The following CACNA1I variants were observed in gnomAD, a reference collection of about 807,000 sequenced individuals.
CACNA1I encodes the protein voltage-dependent T-type calcium channel subunit alpha-1I.
A neutral mutation model predicts 201.6 loss-of-function variants in CACNA1I; 74 were observed. The observed-to-expected ratio is 0.37, with a 90% CI of 0.30 to 0.45. The LOEUF is 0.45. CACNA1I is among the 20% of genes least tolerant of loss of function. The pLI is 1.00. For missense variants in CACNA1I, 2,346 were observed against 3,138.1 expected (o/e 0.75, Z 6.03); for synonymous variants, 1,431 against 1,345.2 (o/e 1.06, Z -1.40).
Position 39,570,848 on chromosome 22 carries a change from A to C in CACNA1I, c.96A>C (p.Pro32=). Residue 32 remains proline (P), a synonymous_variant, in exon 1 of 37, where the codon CCA becomes CCC. Transcript: ENST00000402142. ...AGCAGCCCGGACCCCGGAGCCCCCC[A>C]TCCTCCCCGCCAGGCCTGGAGGAGC... ...TTEQPGPRSP[P]SSPPGLEEPL... is the part of the protein sequence containing the mutation. 6.2e-7 allele frequency: 1 copy of C among 1,613,248 alleles called. No homozygotes were observed. The highest frequency in any genetic ancestry group is 8.5e-7 in the Non-Finnish European group (1 of 1,179,636).
chr22:39,686,063 C>A lies in CACNA1I; in HGVS notation c.6330C>A (p.Gly2110=), dbSNP rs1935859563. The part of the protein sequence containing the change: ...HDSMDPSDEE[G]RGGAGGGGAG... ...CCATGGACCCCTCGGACGAGGAGGG[C>A]CGCGGTGGCGCGGGCGGCGGGGGCG... is the stretch of plus-strand genomic sequence containing the variant. Residue 2110 remains glycine (G), a synonymous_variant, in exon 37 of 37, where the codon GGC becomes GGA. Coordinates refer to ENST00000402142, the MANE Select transcript of CACNA1I (RefSeq NM_021096.4). 4.9e-6 allele frequency: 6 copies of A among 1,236,030 alleles called. No homozygotes were observed. The East Asian group carries it at 1.9e-4, about 40-fold the overall frequency. The allele number at this position is 1,236,030 out of a possible 1,614,324, so 76.6% of individuals were successfully genotyped here. A position where few individuals can be genotyped will look rare whatever the true frequency, so the allele number is the denominator to read the frequency against.
At chr22:39,584,851 A>C (rs1932687977) in intron 1 of CACNA1I, among the ~76,000 whole-genome samples, 1 of 152,130 alleles carries the variant, frequency 6.6e-6, no homozygotes, top group South Asian at 2.1e-4. Context: ...CAATATTTCC[A>C]TGTCACATCA....
intron 4 of CACNA1I, among the ~76,000 whole-genome samples, chr22:39,632,243 G>A (rs965072235): frequency 2.6e-5 from 4 of 152,118 alleles, no homozygotes; most frequent in African/African-American, 9.7e-5. Flanking sequence ...AGCTGCTACC[G>A]GCCCTCTGTG....
In CACNA1I at chr22:39,665,420, G is replaced by T. The variant is rs1251848555; in HGVS notation, c.3852-78G>T. On this transcript the variant is annotated intron_variant, in intron 21 of 36. Transcript: ENST00000402142. The surrounding 1 kb of genome is among the most constrained non-coding windows in gnomAD (Gnocchi z 5.5). ...CTCATGCCCTGGGATACTCAGCCCT[G>T]GTGACTCTGGGCTGAGTAGGGGCTG... The T allele has an allele frequency of 6.4e-6, 10 of 1,562,942 alleles. No homozygotes were observed. The East Asian group carries it at 1.8e-4, about 28-fold the overall frequency.
At chr22:39,591,948 C>T (rs544022205) in intron 1 of CACNA1I, among the ~76,000 whole-genome samples, 4 of 152,350 alleles carry the variant, frequency 2.6e-5, no homozygotes, top group Middle Eastern at 3.4e-3. Flanking sequence ...TTATTACCAC[C>T]GGCAGGCTGG....
At chr22:39,577,109 A>G (rs1932382711) in intron 1 of CACNA1I, among the ~76,000 whole-genome samples, 1 of 150,960 alleles carries the variant, frequency 6.6e-6, no homozygotes, top group South Asian at 2.1e-4. Context: ...TCACCACCAC[A>G]CCCAGCTAAT....
chr22:39,664,258 T>G lies in CACNA1I; in HGVS notation c.3666+99T>G, dbSNP rs1935113730. On this transcript the variant is annotated intron_variant, in intron 20 of 36. Coordinates refer to ENST00000402142, the MANE Select transcript of CACNA1I (RefSeq NM_021096.4). ...AGCTTGTCACTCGCCTGCCATCGGC[T>G]TCATTTCACTCGTAGCCCCATGGCC... 5 of 998,556 alleles carry G rather than the reference T, an allele frequency of 5.0e-6. No individual in the cohort carries two copies. In the Admixed American group the frequency reaches 6.1e-5, roughly 12 times the overall value. The allele number at this position is 998,556 out of a possible 1,614,324, so 61.9% of individuals were successfully genotyped here.
At position 39,649,546 on chromosome 22, in the gene CACNA1I, T is replaced by C. The variant is rs368094513; in HGVS notation, c.1613T>C (p.Leu538Pro). The change falls in exon 10 of 37, where the codon CTG becomes CCG. Residue 538 changes from leucine to proline, a missense_variant. Around this residue, in one of 13 missense-constraint regions of CACNA1I, gnomAD observed 312 missense variants for 331.5 expected, o/e 0.94. Transcript: ENST00000402142. The surrounding 1 kb of genome is among the most constrained non-coding windows in gnomAD (Gnocchi z 7.3). Reference protein sequence around the residue: ...HSPLDATPHTLVQPIPATLAS... With the variant: ...HSPLDATPHTPVQPIPATLAS... ...CCCCTGGATGCGACGCCCCACACCC[T>C]GGTGCAGCCCATCCCCGCCACGCTG... 123 of 1,553,474 alleles carry C rather than the reference T, an allele frequency of 7.9e-5. No individual in the cohort carries two copies. The African/African-American group carries it at 1.6e-3, about 20-fold the overall frequency.
Position 39,665,595 on chromosome 22 carries a change from TTCA to T in CACNA1I, c.3955_3957del (p.Ile1319del). ...CATCGTGCTCATCTGCTGTGCCTTC[TTCA>T]TCATCTTTGGCATCCTGGGAGTGCA... On this transcript the variant is annotated inframe_deletion, in exon 22 of 37. Coordinates refer to ENST00000402142, the MANE Select transcript of CACNA1I (RefSeq NM_021096.4). The surrounding 1 kb of genome is among the most constrained non-coding windows in gnomAD (Gnocchi z 5.5). The T allele has an allele frequency of 6.2e-7, 1 of 1,613,846 alleles. No homozygotes were observed. Among genetic ancestry groups the T allele is most frequent in the Non-Finnish European group, 8.5e-7 (1 of 1,179,798 alleles).
rs60467120 is a variant in CACNA1I, at chr22:39,687,986, AGGGGGGCCTGCCAAG to A, written c.*1591_*1605del. 1.3e-5 allele frequency: 2 copies of A among 152,172 alleles called. No homozygotes were observed. The highest frequency in any genetic ancestry group is 6.6e-5 in the Admixed American group (1 of 15,250). 9.4% of individuals were successfully genotyped at this position (152,172 alleles called of 1,614,324 possible). A position where few individuals can be genotyped will look rare whatever the true frequency, so the allele number is the denominator to read the frequency against. ...TGCTAAGACCCCCTCCGAGGGCTTC[AGGGGGGCCTGCCAAG>A]GGGGGGCCTTGTTCTTGTTCCCAAA... On this transcript the variant is annotated 3_prime_UTR_variant, in exon 37 of 37. Transcript: ENST00000402142.
intron 4 of CACNA1I, among the ~76,000 whole-genome samples, chr22:39,620,602 C>T (rs141076680): frequency 7.9e-4 from 121 of 152,294 alleles, no homozygotes; most frequent in African/African-American, 2.6e-3. Context: ...TGCCCAGGGA[C>T]GCACTGCCAG....
intron 4 of CACNA1I, among the ~76,000 whole-genome samples, chr22:39,622,577 A>G (rs1299186494): frequency 6.9e-5 from 8 of 115,854 alleles, no homozygotes; most frequent in Non-Finnish European, 9.9e-5. Flanking sequence ...CTTTAGAAAC[A>G]CCCCTGGCCA....
At chr22:39,584,164 T>C (rs934927472) in intron 1 of CACNA1I, among the ~76,000 whole-genome samples, 1 of 151,920 alleles carries the variant, frequency 6.6e-6, no homozygotes, top group Non-Finnish European at 1.5e-5. Flanking sequence ...AAGGAGAGAA[T>C]GCAGCCTGCC....
chr22:39,635,339 A>AG (rs113495153), intron 5 of CACNA1I, among the ~76,000 whole-genome samples: 7,304 of 150,410 alleles, frequency 0.049, 503 homozygotes, highest in African/African-American at 0.16. Flanking sequence ...ATGCGGCAGA[A>AG]GGGGGGGGGT....
At chr22:39,657,391 C>A (rs920160951) in intron 10 of CACNA1I, among the ~76,000 whole-genome samples, 1 of 152,128 alleles carries the variant, frequency 6.6e-6, no homozygotes, top group African/African-American at 2.4e-5. Flanking sequence ...GTGCTAAGAG[C>A]CACCACGGGT....
chr22:39,639,283 C>T (rs1934296089), intron 5 of CACNA1I, among the ~76,000 whole-genome samples: 1 of 152,128 alleles, frequency 6.6e-6, no homozygotes, highest in African/African-American at 2.4e-5. Context: ...CTGCTTTATC[C>T]CAATTTGTTG....
rs1428661613 is a variant in CACNA1I, at chr22:39,677,344, G to A, written c.4858G>A (p.Gly1620Ser). The change falls in exon 30 of 37, where the codon GGC becomes AGC. Residue 1620 changes from glycine (G) to serine (S), a missense_variant. Around this residue, in one of 13 missense-constraint regions of CACNA1I, gnomAD observed 50 missense variants for 43.6 expected, o/e 1.15. Coordinates refer to ENST00000402142, the MANE Select transcript of CACNA1I (RefSeq NM_021096.4). This position sits in a 1 kb window ranked among gnomAD's most constrained non-coding sequence, Gnocchi z 4.8. ...GGCCTCACCTGTCCTCCCGCAGGTG[G>A]GCAACCTGGGCCTCCTCTTCATGCT... is the stretch of plus-strand genomic sequence containing the variant. The part of the protein sequence containing the change: ...DTVVQALPQV[G>S]NLGLLFMLLF... 1 of 1,593,690 alleles carries A rather than the reference G, an allele frequency of 6.3e-7. No homozygotes were observed. The highest frequency in any genetic ancestry group is 8.5e-7 in the Non-Finnish European group (1 of 1,173,220).
At chr22:39,643,209 A>G (rs1227203507) in intron 7 of CACNA1I, among the ~76,000 whole-genome samples, 2 of 152,200 alleles carry the variant, frequency 1.3e-5, no homozygotes, top group African/African-American at 2.4e-5. Context: ...CCTGAGTCCA[A>G]GGAGCAGCCT....
At chr22:39,580,007 T>C (rs1487605167) in intron 1 of CACNA1I, among the ~76,000 whole-genome samples, 1 of 152,220 alleles carries the variant, frequency 6.6e-6, no homozygotes, top group Non-Finnish European at 1.5e-5. Flanking sequence ...ACTCACTTGT[T>C]ATCCAGGGGA....
Sources: gnomAD v4.1 joint callset for allele counts (sites outside exome capture counted in the v4.1 genomes callset) on GRCh38, gnomAD v4.1.1 for gene constraint, gnomAD v4.1.1 regional missense constraint, Gnocchi (gnomAD v3.1) non-coding constraint, MANE v1.5 for transcripts, NCBI Gene and HGNC (gene_info 2026-07-23, HGNC 2026-07-21) for gene names.